Variants in KSR2 observed in about 807,000 individuals in gnomAD.
The protein encoded by KSR2 is kinase suppressor of ras 2.
KSR2 carries 25 observed loss-of-function variants against 107.8 expected under a neutral mutation model. The observed-to-expected ratio is 0.23, with a 90% CI of 0.17 to 0.32. The LOEUF (loss-of-function observed/expected upper bound fraction) is 0.32. Among genes scored for constraint, KSR2 ranks in the 10% least tolerant of loss-of-function variants. The pLI is 1.00. For missense variants in KSR2, 887 were observed against 1,268.9 expected, an observed-to-expected ratio of 0.70 and a Z score of 4.57; for synonymous variants, 480 against 507.0, an observed-to-expected ratio of 0.95 and a Z score of 0.71.
chr12:117,768,613 G>A (rs1016775627), intron 3 of KSR2, among the ~76,000 whole-genome samples: 3 of 152,200 alleles, frequency 2.0e-5, no homozygotes, highest in Non-Finnish European at 4.4e-5. Flanking sequence ...CCCGGCAGCA[G>A]CAGGAGCCCA....
chr12:117,839,354 G>A (rs956753896), intron 3 of KSR2, among the ~76,000 whole-genome samples: 29 of 152,170 alleles, frequency 1.9e-4, no homozygotes, highest in Non-Finnish European at 2.9e-4. Context: ...CTCAAGTGCT[G>A]GTACCCCGCA....
chr12:117,506,793 A>G (rs531324106), intron 14 of KSR2, among the ~76,000 whole-genome samples: 6 of 152,248 alleles, frequency 3.9e-5, no homozygotes, highest in African/African-American at 1.4e-4. Context: ...TTGCCTGGAG[A>G]TATATATATG....
At chr12:117,795,602 G>A (rs1020160928) in intron 3 of KSR2, among the ~76,000 whole-genome samples, 8 of 152,194 alleles carry the variant, frequency 5.3e-5, no homozygotes, top group Non-Finnish European at 1.0e-4. Context: ...AATTCAGAGT[G>A]AGTGAAGGTT....
At chr12:117,608,446 T>G (rs1881411291) in intron 5 of KSR2, among the ~76,000 whole-genome samples, 1 of 152,184 alleles carries the variant, frequency 6.6e-6, no homozygotes, top group East Asian at 1.9e-4. Context: ...CAAGGAGATA[T>G]CAGCTCAGAG....
chr12:117,960,643 A>T, intron 1 of KSR2, among the ~76,000 whole-genome samples: 1 of 152,196 alleles, frequency 6.6e-6, no homozygotes, highest in African/African-American at 2.4e-5. Context: ...TGGCCAGCTG[A>T]GTCCATACCT....
At chr12:117,795,136 A>G (rs890114766) in intron 3 of KSR2, among the ~76,000 whole-genome samples, 1 of 151,870 alleles carries the variant, frequency 6.6e-6, no homozygotes, top group African/African-American at 2.4e-5. Context: ...AAGGACACCG[A>G]CTCATCATTC....
chr12:117,851,194 A>G (rs369281620), intron 3 of KSR2, among the ~76,000 whole-genome samples: 1 of 152,310 alleles, frequency 6.6e-6, no homozygotes, highest in East Asian at 1.9e-4. Context: ...GAGGCAGGAC[A>G]TAGAAGACTG....
chr12:117,753,976 G>A (rs1214007276), intron 4 of KSR2, among the ~76,000 whole-genome samples: 2 of 151,042 alleles, frequency 1.3e-5, no homozygotes, highest in South Asian at 2.1e-4. Context: ...GTGTGTGTGT[G>A]TGTGTGTGTG....
intron 3 of KSR2, among the ~76,000 whole-genome samples, chr12:117,845,636 T>C (rs1032619334): frequency 3.3e-5 from 5 of 152,098 alleles, no homozygotes; most frequent in Admixed American, 2.0e-4. Context: ...ATTCAACCCA[T>C]TGAAATTGAA....
At chr12:117,953,615 G>C (rs76338398) in intron 1 of KSR2, among the ~76,000 whole-genome samples, 15,388 of 152,196 alleles carry the variant, frequency 0.1, 974 homozygotes, top group Middle Eastern at 0.16. Flanking sequence ...TAAGTTCATA[G>C]AGAAAGTAGG....
At position 117,930,343 on chromosome 12, in the gene KSR2, A is replaced by G. The variant is rs1161707912; in HGVS notation, c.180+37733T>C. On this transcript the variant is annotated intron_variant, in intron 1 of 19. Transcript: ENST00000339824. ...GCCACCGCACCCAGCCAAAAAAATTATTCTTAAATAAGTTGTTCTTCATTA... is the reference window on the plus strand; with the variant it reads ...GCCACCGCACCCAGCCAAAAAAATTGTTCTTAAATAAGTTGTTCTTCATTA... Among the ~76,000 whole-genome samples, 3 of 152,166 alleles carry G rather than the reference A, an allele frequency of 2.0e-5. No individual in the cohort carries two copies. The East Asian group carries it at 5.8e-4, about 29-fold the overall frequency.
chr12:117,893,150 T>G (rs916273146), intron 1 of KSR2, among the ~76,000 whole-genome samples: 1 of 151,960 alleles, frequency 6.6e-6, no homozygotes, highest in East Asian at 1.9e-4. Flanking sequence ...CCCAAGTAGC[T>G]GGGACTACAG....
At chr12:117,804,623 G>A (rs903704965) in intron 3 of KSR2, among the ~76,000 whole-genome samples, 6 of 151,858 alleles carry the variant, frequency 4.0e-5, no homozygotes, top group Admixed American at 1.3e-4. Flanking sequence ...TTATCTCCTT[G>A]AGAAAGACAA....
rs1046756735 is a variant in KSR2 at position 117,460,347 on chromosome 12, A to G, written c.*6852T>C. On this transcript the variant is annotated 3_prime_UTR_variant, in exon 20 of 20. Coordinates refer to ENST00000339824, the MANE Select transcript of KSR2 (RefSeq NM_173598.6). ...GGAAGGGCCCTTTCCCACCCCTGAG[A>G]GGGAAGAGCACTCACTGATGTACGC... 6.6e-6 allele frequency: 1 copy of G among 152,128 alleles called. No individual in the cohort carries two copies. The highest frequency in any genetic ancestry group is 6.5e-5 in the Admixed American group (1 of 15,270). 9.4% of individuals were successfully genotyped at this position (152,128 alleles called of 1,614,324 possible). A position where few individuals can be genotyped will look rare whatever the true frequency, so the allele number is the denominator to read the frequency against.
chr12:117,797,351 T>A (rs1211743005), intron 3 of KSR2, among the ~76,000 whole-genome samples: 1 of 152,222 alleles, frequency 6.6e-6, no homozygotes, highest in Admixed American at 6.5e-5. Flanking sequence ...TAATCTTGAA[T>A]ATATTTTGAT....
At chr12:117,639,762 A>C (rs936352619) in intron 5 of KSR2, among the ~76,000 whole-genome samples, 4 of 151,718 alleles carry the variant, frequency 2.6e-5, no homozygotes, top group Non-Finnish European at 5.9e-5. Context: ...TGGTGGGAGA[A>C]ATGTCCTCTT....
intron 1 of KSR2, among the ~76,000 whole-genome samples, chr12:117,934,289 A>G (rs983766755): frequency 4.6e-5 from 7 of 152,098 alleles, no homozygotes; most frequent in Non-Finnish European, 5.9e-5. Flanking sequence ...GACCCATGAC[A>G]ACACCGCTCC....
At chr12:117,882,838 CATCCATCCATCCAACA>C (rs1408344630) in intron 1 of KSR2, among the ~76,000 whole-genome samples, 2 of 151,988 alleles carry the variant, frequency 1.3e-5, no homozygotes, top group Non-Finnish European at 2.9e-5. Flanking sequence ...TTCATTTATT[CATCCATCCATCCAACA>C]ATCCATCCAT....
chr12:117,522,380 G>A (rs530921680), intron 14 of KSR2, among the ~76,000 whole-genome samples: 2 of 152,182 alleles, frequency 1.3e-5, no homozygotes, highest in East Asian at 1.9e-4. Context: ...TGGGATAAGA[G>A]CTTAAGATGG....
Sources: allele counts gnomAD v4.1 joint callset (sites outside exome capture counted in the v4.1 genomes callset), GRCh38; gene constraint gnomAD v4.1.1; transcripts MANE v1.5; gene names NCBI Gene and HGNC (gene_info 2026-07-23, HGNC 2026-07-21).